Variants in ATXN1 observed in about 807,000 individuals in gnomAD.
The protein encoded by ATXN1 is ataxin 1, also known as ataxin-1.
Under a neutral mutation model 56.4 loss-of-function variants are expected in ATXN1, and 8 were observed. The observed-to-expected ratio is 0.14, with a 90% CI of 0.08 to 0.26. ATXN1 has a LOEUF of 0.26. Among genes scored for constraint, ATXN1 ranks in the 10% least tolerant of loss-of-function variants. The pLI is 1.00. For missense variants in ATXN1, 987 were observed against 1,106.5 expected (o/e 0.89, Z 1.53); for synonymous variants, 514 against 494.6 (o/e 1.04, Z -0.52).
In ATXN1 at chr6:16,301,537, T is replaced by C. The variant is rs1320816266; in HGVS notation, c.*4792A>G. The C allele has an allele frequency of 3.3e-5, 5 of 152,402 alleles. No individual in the cohort carries two copies. The highest frequency in any genetic ancestry group is 7.3e-5 in the Non-Finnish European group (5 of 68,028). The allele number at this position is 152,402 out of a possible 1,614,324, so 9.4% of individuals were successfully genotyped here. Reference sequence around the variant, plus strand: ...TTACTTGATGTGTTCTTAAATTCTCTATTTCAGAAATTCTGGGTTAAAAAC... The same window carrying C: ...TTACTTGATGTGTTCTTAAATTCTCCATTTCAGAAATTCTGGGTTAAAAAC... On this transcript the variant is annotated 3_prime_UTR_variant, in exon 8 of 8. Transcript: ENST00000436367.
chr6:16,552,492 G>A (rs568901867), intron 4 of ATXN1, among the ~76,000 whole-genome samples: 3 of 152,322 alleles, frequency 2.0e-5, no homozygotes, highest in Non-Finnish European at 2.9e-5. Flanking sequence ...TTCACACAGT[G>A]TGTTTTGAAT....
At chr6:16,495,682 G>A (rs1292810450) in intron 5 of ATXN1, among the ~76,000 whole-genome samples, 2 of 152,114 alleles carry the variant, frequency 1.3e-5, no homozygotes. Context: ...GGCCAACATG[G>A]TGAAACCCTG....
At chr6:16,644,954 C>T (rs547176380) in intron 3 of ATXN1, among the ~76,000 whole-genome samples, 2 of 152,252 alleles carry the variant, frequency 1.3e-5, no homozygotes, top group South Asian at 4.2e-4. Flanking sequence ...GATAACCACT[C>T]CAAAACTGTT....
At chr6:16,605,154 G>A (rs996074306) in intron 3 of ATXN1, among the ~76,000 whole-genome samples, 3 of 152,218 alleles carry the variant, frequency 2.0e-5, no homozygotes, top group Admixed American at 2.0e-4. Flanking sequence ...ATGCAGCACA[G>A]TATCAATTTA....
At chr6:16,704,686 G>A (rs190620280) in intron 2 of ATXN1, among the ~76,000 whole-genome samples, 94 of 152,224 alleles carry the variant, frequency 6.2e-4, no homozygotes, top group African/African-American at 2.1e-3. Flanking sequence ...TTCCTTACGG[G>A]GAGCCTTTGG....
intron 2 of ATXN1, among the ~76,000 whole-genome samples, chr6:16,697,768 A>T (rs975324474): frequency 2.0e-5 from 3 of 152,114 alleles, no homozygotes; most frequent in Non-Finnish European, 4.4e-5. Context: ...TCTTCTAACA[A>T]AGCCAAACAT....
rs542098436 is a variant in ATXN1, at chr6:16,548,542, T to C, written c.-360-25854A>G. ...GCTTAAAACATCATCCACTTTAAAGTTGTACGAAAATATTTTCTTCTTTTA... is the reference window on the plus strand; with the variant it reads ...GCTTAAAACATCATCCACTTTAAAGCTGTACGAAAATATTTTCTTCTTTTA... On this transcript the variant is annotated intron_variant, in intron 4 of 7. Transcript: ENST00000436367. 4.3e-4 allele frequency among the ~76,000 whole-genome samples: 66 copies of C among 152,330 alleles called. No homozygotes were observed. The Middle Eastern group carries it at 0.02, about 47-fold the overall frequency.
At chr6:16,387,395 G>T (rs1346233886) in intron 6 of ATXN1, among the ~76,000 whole-genome samples, 1 of 152,226 alleles carries the variant, frequency 6.6e-6, no homozygotes, top group Non-Finnish European at 1.5e-5. Flanking sequence ...TTCACTGAAA[G>T]TTCACTGTGG....
At chr6:16,512,096 C>T (rs540085209) in intron 5 of ATXN1, among the ~76,000 whole-genome samples, 1 of 152,316 alleles carries the variant, frequency 6.6e-6, no homozygotes, top group Admixed American at 6.5e-5. Flanking sequence ...CAACAGAACA[C>T]ACAAAGGCCT....
intron 6 of ATXN1, among the ~76,000 whole-genome samples, chr6:16,375,379 T>C (rs114237657): frequency 3.9e-5 from 6 of 152,210 alleles, no homozygotes; most frequent in Admixed American, 3.3e-4. Flanking sequence ...TCAGGACAAG[T>C]GTCTCTGAGG....
Position 16,328,232 on chromosome 6 carries a change from C to T in ATXN1, c.79G>A (p.Glu27Lys), listed in dbSNP as rs551689167. The T allele has an allele frequency of 4.5e-6, 7 of 1,571,090 alleles. No individual in the cohort carries two copies. The highest frequency in any genetic ancestry group is 4.5e-5 in the East Asian group (2 of 44,282). The change falls in exon 7 of 8, where the codon GAG becomes AAG. Residue 27 changes from glutamate to lysine, a missense_variant. Glu to Lys is a moderately conservative substitution (Grantham distance 56). Around this residue, in one of 3 missense-constraint regions of ATXN1, gnomAD observed 723 missense variants for 791.7 expected, o/e 0.91. Coordinates refer to ENST00000436367, the MANE Select transcript of ATXN1 (RefSeq NM_001128164.2). The surrounding 1 kb of genome is among the most constrained non-coding windows in gnomAD (Gnocchi z 6.2). ...REIPATSRSS[E>K]EKAPTLPSDN... ...CTGGGCAGGGTAGGGGCCTTCTCCT[C>T]GGAGGACCGGCTGGTGGCGGGGATC... is the stretch of plus-strand genomic sequence containing the variant.
intron 6 of ATXN1, among the ~76,000 whole-genome samples, chr6:16,373,497 G>A (rs932666837): frequency 2.6e-5 from 4 of 152,142 alleles, no homozygotes; most frequent in Admixed American, 2.6e-4. Flanking sequence ...AGCCATATCT[G>A]ATCAGGTTAG....
At chr6:16,420,586 G>A (rs989780453) in intron 6 of ATXN1, among the ~76,000 whole-genome samples, 9 of 152,152 alleles carry the variant, frequency 5.9e-5, no homozygotes, top group South Asian at 4.2e-4. Context: ...GATAAAACTC[G>A]GAACAAAACA....
At chr6:16,324,378 G>A (rs1284893036) in intron 7 of ATXN1, among the ~76,000 whole-genome samples, 1 of 151,878 alleles carries the variant, frequency 6.6e-6, no homozygotes, top group Non-Finnish European at 1.5e-5. Context: ...TGGAGCCTAG[G>A]AGGTCAAGGC....
chr6:16,710,150 A>G (rs1288158540), intron 2 of ATXN1, among the ~76,000 whole-genome samples: 2 of 152,220 alleles, frequency 1.3e-5, no homozygotes, highest in Non-Finnish European at 2.9e-5. Flanking sequence ...GTACGATCAG[A>G]AAAAAAGTCC....
rs1238545726 is a variant in ATXN1, at chr6:16,303,122, C to T, written c.*3207G>A. On this transcript the variant is annotated 3_prime_UTR_variant, in exon 8 of 8. Coordinates refer to ENST00000436367, the MANE Select transcript of ATXN1 (RefSeq NM_001128164.2). This position sits in a 1 kb window ranked among gnomAD's most constrained non-coding sequence, Gnocchi z 4.3. ...CCGTCCAGGCTCAGAGGCAGGGCTC[C>T]AAGTCTCAAGGACACAGACCCCGAG... The T allele has an allele frequency of 1.3e-5, 2 of 152,930 alleles. No individual in the cohort carries two copies. Among genetic ancestry groups the T allele is most frequent in the African/African-American group, 4.8e-5 (2 of 41,464 alleles). The allele number at this position is 152,930 out of a possible 1,614,324, so 9.5% of individuals were successfully genotyped here. A position where few individuals can be genotyped will look rare whatever the true frequency, so the allele number is the denominator to read the frequency against.
chr6:16,577,280 T>C (rs1758610107), intron 4 of ATXN1, among the ~76,000 whole-genome samples: 1 of 152,066 alleles, frequency 6.6e-6, no homozygotes, highest in South Asian at 2.1e-4. Context: ...TCCCAGCCCT[T>C]TGGGAGGCCG....
At chr6:16,362,512 G>A (rs572189775) in intron 6 of ATXN1, among the ~76,000 whole-genome samples, 2 of 151,892 alleles carry the variant, frequency 1.3e-5, no homozygotes, top group South Asian at 2.1e-4. Context: ...CTTCGCTCCC[G>A]CCCGGTCCCT....
chr6:16,374,138 C>CAAAAAAAA (rs376857810), intron 6 of ATXN1, among the ~76,000 whole-genome samples: 8 of 85,388 alleles, frequency 9.4e-5, no homozygotes, highest in Non-Finnish European at 1.8e-4. Context: ...AGGATATGAG[C>CAAAAAAAA]AAAAAAAAAA....
Sources: allele counts gnomAD v4.1 joint callset (sites outside exome capture counted in the v4.1 genomes callset), GRCh38; gene constraint gnomAD v4.1.1; regional missense constraint gnomAD v4.1.1; non-coding constraint Gnocchi (gnomAD v3.1); transcripts MANE v1.5; gene names NCBI Gene and HGNC (gene_info 2026-07-23, HGNC 2026-07-21).